MBNL2: variants seen among roughly 807,000 people sequenced by gnomAD.
MBNL2 encodes the protein muscleblind-like protein 2.
A neutral mutation model predicts 41.9 loss-of-function variants in MBNL2; 17 were observed. The observed-to-expected ratio is 0.41, with a 90% confidence interval of 0.28 to 0.61. The LOEUF (loss-of-function observed/expected upper bound fraction) is 0.61, where lower values mean the gene tolerates loss of function less well. Among genes scored for constraint, MBNL2 ranks in the 20% least tolerant of loss-of-function variants. MBNL2 has a pLI of 0.35. For missense variants in MBNL2, 336 were observed against 505.6 expected (o/e 0.66, Z 3.22); for synonymous variants, 195 against 182.9 (o/e 1.07, Z -0.53).
At chr13:97,207,955 G>T in the MBNL2 span, among the ~76,000 whole-genome samples, 115 of 152,342 alleles carry the variant, frequency 7.5e-4, no homozygotes, top group Non-Finnish European at 1.2e-3. Flanking sequence ...AAATCTTAAA[G>T]TTCCGAAATG....
At chr13:97,187,645 C>T in the MBNL2 span, among the ~76,000 whole-genome samples, 3 of 145,586 alleles carry the variant, frequency 2.1e-5, no homozygotes, top group Admixed American at 7.0e-5. Flanking sequence ...CGGTGGCTCA[C>T]GCCTGTAATC....
Position 97,315,078 on chromosome 13 carries a change from T to C in MBNL2, c.175-19198T>C, listed in dbSNP as rs577669747. On this transcript the variant is annotated intron_variant, in intron 2 of 8. Transcript: ENST00000679496. ...TATTGATAAAGCAGACAGTCATATATTTATTGACATTTTCATTTTAGGGGA... is the reference window on the plus strand; with the variant it reads ...TATTGATAAAGCAGACAGTCATATACTTATTGACATTTTCATTTTAGGGGA... Among the ~76,000 whole-genome samples the C allele has an allele frequency of 5.3e-4, 80 of 152,226 alleles. 1 individual carries two copies. Among genetic ancestry groups the C allele is most frequent in the Non-Finnish European group, 1.0e-3 (68 of 68,034 alleles).
chr13:97,223,479 G>A (rs1030620311), intron 1 of MBNL2, among the ~76,000 whole-genome samples: 2 of 152,072 alleles, frequency 1.3e-5, no homozygotes, highest in Non-Finnish European at 2.9e-5. Flanking sequence ...TTTTTGTTAG[G>A]CCTCGGAAGC....
intron 2 of MBNL2, among the ~76,000 whole-genome samples, chr13:97,280,657 C>T (rs561843106): frequency 2.6e-5 from 4 of 152,310 alleles, no homozygotes; most frequent in East Asian, 1.9e-4. Flanking sequence ...CTGCTTCCCC[C>T]TCCCGCCACC....
At chr13:97,175,782 T>G in the MBNL2 span, among the ~76,000 whole-genome samples, 1 of 151,946 alleles carries the variant, frequency 6.6e-6, no homozygotes, top group Non-Finnish European at 1.5e-5. Flanking sequence ...GAGGTACTTA[T>G]TTTGCTGCAG....
the MBNL2 span, among the ~76,000 whole-genome samples, chr13:97,205,592 G>T: frequency 1.3e-5 from 2 of 152,094 alleles, no homozygotes; most frequent in Non-Finnish European, 2.9e-5. Context: ...TGGCATTTCT[G>T]TTGGATTACA....
chr13:97,360,257 A>G (rs1874488675), intron 7 of MBNL2, among the ~76,000 whole-genome samples: 1 of 152,222 alleles, frequency 6.6e-6, no homozygotes, highest in South Asian at 2.1e-4. Context: ...TCTCCCATTG[A>G]CACAATGTGA....
At chr13:97,292,803 ATC>A (rs2152981478) in intron 2 of MBNL2, among the ~76,000 whole-genome samples, 1 of 152,186 alleles carries the variant, frequency 6.6e-6, no homozygotes, top group Admixed American at 6.5e-5. Context: ...CATTAAGTTC[ATC>A]TTGATTTACA....
chr13:97,234,626 C>T (rs752407588), intron 1 of MBNL2, among the ~76,000 whole-genome samples: 2 of 152,204 alleles, frequency 1.3e-5, no homozygotes, highest in Non-Finnish European at 2.9e-5. Context: ...CCAGAAATCC[C>T]TGGCAATGTG....
intron 7 of MBNL2, among the ~76,000 whole-genome samples, chr13:97,358,298 T>C (rs1187315416): frequency 6.6e-6 from 1 of 152,132 alleles, no homozygotes; most frequent in African/African-American, 2.4e-5. Flanking sequence ...GCTGATTGTT[T>C]TACAGATGAG....
At chr13:97,349,641 C>T (rs1399544993) in intron 5 of MBNL2, among the ~76,000 whole-genome samples, 3 of 152,170 alleles carry the variant, frequency 2.0e-5, no homozygotes, top group Admixed American at 6.5e-5. Context: ...GATTCTTATG[C>T]GCCAGCCTCC....
At chr13:97,288,174 C>CTA (rs34449684) in intron 2 of MBNL2, among the ~76,000 whole-genome samples, 14,020 of 152,088 alleles carry the variant, frequency 0.092, 724 homozygotes, top group South Asian at 0.14. Flanking sequence ...ACGGGCAACT[C>CTA]TGTCAGTTTC....
chr13:97,391,268 T>C (rs960363237), intron 8 of MBNL2, 54 bp from the exon 9 acceptor site: 12 of 801,820 alleles, frequency 1.5e-5, no homozygotes, highest in Non-Finnish European at 2.6e-5. Context: ...CTTAAACTCA[T>C]TATTTTTCCT....
At chr13:97,297,702 A>G (rs1305731342) in intron 2 of MBNL2, among the ~76,000 whole-genome samples, 1 of 152,218 alleles carries the variant, frequency 6.6e-6, no homozygotes, top group African/African-American at 2.4e-5. Context: ...GATGCTGCTT[A>G]AAGGCCTTGC....
At chr13:97,253,831 T>C (rs1327573212) in intron 1 of MBNL2, among the ~76,000 whole-genome samples, 1 of 152,144 alleles carries the variant, frequency 6.6e-6, no homozygotes, top group Non-Finnish European at 1.5e-5. Context: ...TATTGTGTAA[T>C]GTTCTTTGGG....
chr13:97,294,281 A>G (rs1213918480), intron 2 of MBNL2, among the ~76,000 whole-genome samples: 2 of 152,160 alleles, frequency 1.3e-5, no homozygotes, highest in African/African-American at 4.8e-5. Context: ...ATATTGTGCC[A>G]TACTCCCTGC....
At position 97,345,733 on chromosome 13, in the gene MBNL2, A is replaced by C. The variant is rs933968528; in HGVS notation, c.541-1071A>C. ...GAGCAGGAGAGAAGGAGTGGGAAAC[A>C]GGAGTGTTCAGATTCCCCCCACCCC... On this transcript the variant is annotated intron_variant, in intron 4 of 8. Transcript: ENST00000679496. Among the ~76,000 whole-genome samples the C allele has an allele frequency of 3.3e-5, 5 of 152,190 alleles. No homozygotes were observed. The South Asian group carries it at 8.3e-4, about 25-fold the overall frequency.
intron 2 of MBNL2, among the ~76,000 whole-genome samples, chr13:97,311,915 G>C (rs1346143665): frequency 2.6e-5 from 4 of 152,154 alleles, no homozygotes; most frequent in Non-Finnish European, 5.9e-5. Flanking sequence ...TTCCATTACA[G>C]ATAGTCCTTT....
the MBNL2 span, among the ~76,000 whole-genome samples, chr13:97,163,747 C>A: frequency 2.6e-5 from 4 of 152,108 alleles, no homozygotes; most frequent in Admixed American, 6.5e-5. Context: ...CAGCAACCAC[C>A]CCCTATCCTC....
Sources: allele counts gnomAD v4.1 joint callset (sites outside exome capture counted in the v4.1 genomes callset), GRCh38; gene constraint gnomAD v4.1.1; transcripts MANE v1.5; gene names NCBI Gene and HGNC (gene_info 2026-07-23, HGNC 2026-07-21).